The following SHANK2 variants were observed in gnomAD, a reference collection of about 807,000 sequenced individuals.
SHANK2 encodes SH3 and multiple ankyrin repeat domains 2, also known as SH3 and multiple ankyrin repeat domains protein 2.
SHANK2 carries 43 observed loss-of-function variants against 133.7 expected under a neutral mutation model. That is an observed-to-expected ratio of 0.32 (90% CI 0.25 to 0.41). The LOEUF is 0.41. Among genes scored for constraint, SHANK2 ranks in the 10% least tolerant of loss-of-function variants. SHANK2 has a pLI of 1.00. For missense variants in SHANK2, 1,994 were observed against 2,235.8 expected, an observed-to-expected ratio of 0.89 and a Z score of 2.18; for synonymous variants, 1,017 against 952.8, an observed-to-expected ratio of 1.07 and a Z score of -1.24.
intron 17 of SHANK2, among the ~76,000 whole-genome samples, chr11:70,646,829 T>TTTATTTTA (rs1491262147): frequency 0.024 from 1,933 of 81,894 alleles, 25 homozygotes; most frequent in South Asian, 0.06. Context: ...CTTTTATTTA[T>TTTATTTTA]TTTATTTATT....
At chr11:70,705,329 T>TGG (rs1273126090) in intron 14 of SHANK2, 1 of 152,178 alleles carries the variant, frequency 6.6e-6, no homozygotes, top group African/African-American at 2.4e-5. Flanking sequence ...CACATCTCCA[T>TGG]GGCCCTCTTA....
chr11:70,575,177 G>C (rs543400435), intron 17 of SHANK2, among the ~76,000 whole-genome samples: 8 of 152,308 alleles, frequency 5.3e-5, no homozygotes, highest in African/African-American at 1.7e-4. Flanking sequence ...AAGCCACCCA[G>C]GCGGGCAGCA....
intron 11 of SHANK2, among the ~76,000 whole-genome samples, chr11:70,837,650 A>G (rs1948839812): frequency 6.6e-6 from 1 of 152,182 alleles, no homozygotes; most frequent in Non-Finnish European, 1.5e-5. Flanking sequence ...TCACCACTGC[A>G]TCACCAGCAC....
intron 3 of SHANK2, among the ~76,000 whole-genome samples, chr11:71,124,541 A>T (rs2135296540): frequency 6.6e-6 from 1 of 152,106 alleles, no homozygotes; most frequent in African/African-American, 2.4e-5. Flanking sequence ...TAATATTATT[A>T]TTACTGTTTA....
chr11:70,731,687 C>T (rs1468171673), intron 14 of SHANK2, among the ~76,000 whole-genome samples: 1 of 152,228 alleles, frequency 6.6e-6, no homozygotes, highest in African/African-American at 2.4e-5. Context: ...TGCTTTCTGG[C>T]TATTATGGAT....
chr11:70,484,964 G>C (rs1392560689), intron 25 of SHANK2, among the ~76,000 whole-genome samples: 2 of 152,146 alleles, frequency 1.3e-5, no homozygotes, highest in African/African-American at 2.4e-5. Flanking sequence ...CTTTGGCGAG[G>C]CTCTAAACGG....
At chr11:70,714,813 C>A (rs1945873161) in intron 14 of SHANK2, among the ~76,000 whole-genome samples, 1 of 151,760 alleles carries the variant, frequency 6.6e-6, no homozygotes, top group South Asian at 2.1e-4. Context: ...TGTAGCATTT[C>A]TGTCTTATAA....
At chr11:70,482,544 C>T (rs948212019) in intron 25 of SHANK2, among the ~76,000 whole-genome samples, 1 of 152,220 alleles carries the variant, frequency 6.6e-6, no homozygotes, top group Non-Finnish European at 1.5e-5. Flanking sequence ...GAAGTAGCCT[C>T]GGCTCAGTAG....
chr11:70,736,022 C>T (rs1415052510), intron 14 of SHANK2, among the ~76,000 whole-genome samples: 2 of 151,626 alleles, frequency 1.3e-5, no homozygotes, highest in Non-Finnish European at 2.9e-5. Flanking sequence ...CAGGCCATCG[C>T]CTTCCTCCAC....
At chr11:70,748,378 C>T (rs1555036734) in intron 14 of SHANK2, among the ~76,000 whole-genome samples, 1 of 152,108 alleles carries the variant, frequency 6.6e-6, no homozygotes, top group East Asian at 1.9e-4. Context: ...GGGTGAACAT[C>T]CACTAACCAG....
chr11:71,134,439 ATTT>A (rs376602865), intron 3 of SHANK2, among the ~76,000 whole-genome samples: 15,405 of 134,068 alleles, frequency 0.11, 2,222 homozygotes, highest in African/African-American at 0.35. Flanking sequence ...TTACATCTCA[ATTT>A]TTTTTTTTTT....
chr11:70,567,509 C>T (rs1565136470), intron 17 of SHANK2, among the ~76,000 whole-genome samples: 1 of 152,054 alleles, frequency 6.6e-6, no homozygotes, highest in Non-Finnish European at 1.5e-5. Flanking sequence ...TGCCTATAAT[C>T]CCAGATACTC....
chr11:71,215,727 C>G (rs1211517263), intron 2 of SHANK2, among the ~76,000 whole-genome samples: 3 of 152,192 alleles, frequency 2.0e-5, no homozygotes, highest in Non-Finnish European at 4.4e-5. Flanking sequence ...GGCGTGCCAG[C>G]TCAGGAGCTC....
At chr11:70,528,598 G>C (rs2059428644) in intron 17 of SHANK2, among the ~76,000 whole-genome samples, 1 of 152,134 alleles carries the variant, frequency 6.6e-6, no homozygotes, top group Admixed American at 6.5e-5. Flanking sequence ...CCTGCATCCT[G>C]ATGAAGGCCC....
intron 14 of SHANK2, among the ~76,000 whole-genome samples, chr11:70,747,756 C>T (rs565148167): frequency 6.0e-4 from 92 of 152,286 alleles, no homozygotes; most frequent in African/African-American, 2.0e-3. Context: ...TGAACAGGCA[C>T]GTGTGTGCAT....
intron 8 of SHANK2, among the ~76,000 whole-genome samples, chr11:71,081,457 C>A (rs1951299341): frequency 6.6e-6 from 1 of 152,226 alleles, no homozygotes; most frequent in Non-Finnish European, 1.5e-5. Context: ...CCACCTTCCC[C>A]ATGGAGCCCA....
At chr11:70,493,587 G>A (rs2058928565) in intron 21 of SHANK2, among the ~76,000 whole-genome samples, 1 of 151,968 alleles carries the variant, frequency 6.6e-6, no homozygotes, top group South Asian at 2.1e-4. Context: ...TAAATGCAAG[G>A]GCCCTGTGCC....
At chr11:71,065,188 A>G (rs1951032981) in intron 9 of SHANK2, among the ~76,000 whole-genome samples, 1 of 152,166 alleles carries the variant, frequency 6.6e-6, no homozygotes, top group Non-Finnish European at 1.5e-5. Flanking sequence ...GAGAAGGTGG[A>G]AGCCACGTGT....
intron 6 of SHANK2, among the ~76,000 whole-genome samples, chr11:71,095,677 C>G (rs1555095242): frequency 6.6e-6 from 1 of 152,238 alleles, no homozygotes; most frequent in Admixed American, 6.5e-5. Context: ...GGGCACCTGC[C>G]TTGTGAGTGT....
Sources: gnomAD v4.1 joint callset for allele counts (sites outside exome capture counted in the v4.1 genomes callset) on GRCh38, gnomAD v4.1.1 for gene constraint, MANE v1.5 for transcripts, NCBI Gene and HGNC (gene_info 2026-07-23, HGNC 2026-07-21) for gene names.